ZNF827: variants seen among roughly 807,000 people sequenced by gnomAD.
ZNF827 encodes the protein zinc finger protein 827.
A neutral mutation model predicts 102.4 loss-of-function variants in ZNF827; 13 were observed. The observed-to-expected ratio is 0.13, with a 90% CI of 0.08 to 0.20. ZNF827 has a LOEUF of 0.20. Ranked by LOEUF, ZNF827 falls within the 10% of genes least tolerant of loss-of-function variation. The probability of loss-of-function intolerance (pLI) is 1.00; values close to 1 mark genes in which losing one functional copy is unlikely to be tolerated. For synonymous variants in ZNF827, 523 were observed against 536.2 expected, an observed-to-expected ratio of 0.98 and a Z score of 0.34; for missense variants, 1,103 against 1,344.4, an observed-to-expected ratio of 0.82 and a Z score of 2.81.
chr4:145,894,041 T>C (rs1750799921), intron 2 of ZNF827, among the ~76,000 whole-genome samples: 2 of 152,180 alleles, frequency 1.3e-5, no homozygotes, highest in African/African-American at 4.8e-5. Context: ...ATACTGATTA[T>C]AGCTTGGATG....
At chr4:145,767,465 A>G (rs1399410928) in intron 11 of ZNF827, among the ~76,000 whole-genome samples, 1 of 152,176 alleles carries the variant, frequency 6.6e-6, no homozygotes, top group Non-Finnish European at 1.5e-5. Context: ...GAAATGGCCA[A>G]AAATTTTCCA....
At chr4:145,914,614 C>G (rs1489469065) in intron 1 of ZNF827, among the ~76,000 whole-genome samples, 1 of 152,160 alleles carries the variant, frequency 6.6e-6, no homozygotes, top group Non-Finnish European at 1.5e-5. Flanking sequence ...CAGAAGTCAA[C>G]AATAGAGAGC....
In ZNF827 at chr4:145,902,851, A is replaced by G; in HGVS notation, c.408T>C (p.Ala136=). 1 of 1,614,166 alleles carries G rather than the reference A, an allele frequency of 6.2e-7. No individual in the cohort carries two copies. The highest frequency in any genetic ancestry group is 8.5e-7 in the Non-Finnish European group (1 of 1,180,024). Residue 136 remains alanine (A), a synonymous_variant, in exon 2 of 15, where the codon GCT becomes GCC. Transcript: ENST00000508784. The surrounding 1 kb of genome is among the most constrained non-coding windows in gnomAD (Gnocchi z 4.3). The part of the protein sequence containing the change: ...LLEAGSLKLD[A]AATANGRVES... Reference sequence around the variant, plus strand: ...CCACTCTGCCATTAGCCGTGGCTGCAGCATCGAGTTTGAGGGAACCAGCCT... The same window carrying G: ...CCACTCTGCCATTAGCCGTGGCTGCGGCATCGAGTTTGAGGGAACCAGCCT...
chr4:145,937,868 C>G (rs1469381493), intron 1 of ZNF827, among the ~76,000 whole-genome samples: 6 of 150,622 alleles, frequency 4.0e-5, no homozygotes, highest in Admixed American at 3.3e-4. Flanking sequence ...CCCGACACCC[C>G]CAAACGCCAT....
intron 5 of ZNF827, among the ~76,000 whole-genome samples, chr4:145,861,640 C>T (rs1258718334): frequency 6.6e-6 from 1 of 152,122 alleles, no homozygotes; most frequent in African/African-American, 2.4e-5. Context: ...ATTCTTAATT[C>T]TTTTGCTCCA....
At chr4:145,764,412 T>G (rs1734970033) in intron 13 of ZNF827, among the ~76,000 whole-genome samples, 1 of 152,202 alleles carries the variant, frequency 6.6e-6, no homozygotes, top group South Asian at 2.1e-4. Flanking sequence ...CCAAAGGGCC[T>G]CTTGAAAATA....
chr4:145,859,695 G>A (rs770842556), intron 5 of ZNF827, among the ~76,000 whole-genome samples: 6 of 152,110 alleles, frequency 3.9e-5, no homozygotes, highest in East Asian at 1.9e-4. Context: ...TGGTTCTCGC[G>A]TCCTCTCTAG....
chr4:145,830,777 T>C (rs1374231154), intron 7 of ZNF827: 3 of 152,226 alleles, frequency 2.0e-5, no homozygotes, highest in African/African-American at 7.2e-5. Flanking sequence ...GCAAACACTC[T>C]ATACAGTTGC....
At position 145,876,593 on chromosome 4, in the gene ZNF827, C is replaced by G. The variant is rs539269235; in HGVS notation, c.1748-6115G>C. ...TTTACCTGTATTAATTTATCTAATT[C>G]TCACAGCCACCCTTTGAGGTAGGCA... On this transcript the variant is annotated intron_variant, in intron 4 of 14. Transcript: ENST00000508784. 7.2e-5 allele frequency: 11 copies of G among 152,320 alleles called. No individual in the cohort carries two copies. In the East Asian group the frequency reaches 2.1e-3, roughly 29 times the overall value. The allele number at this position is 152,320 out of a possible 1,614,324, so 9.4% of individuals were successfully genotyped here. A position where few individuals can be genotyped will look rare whatever the true frequency, so the allele number is the denominator to read the frequency against.
At chr4:145,924,457 C>G (rs1014190346) in intron 1 of ZNF827, among the ~76,000 whole-genome samples, 12 of 152,278 alleles carry the variant, frequency 7.9e-5, no homozygotes, top group African/African-American at 1.7e-4. Context: ...TTAGAACACT[C>G]CTTGCTGATT....
intron 5 of ZNF827, 45 bp downstream of exon 5, chr4:145,870,200 A>G: frequency 6.3e-7 from 1 of 1,590,058 alleles, no homozygotes; most frequent in Non-Finnish European, 8.6e-7. Context: ...GTTGGCCTGC[A>G]AGTGAAACTA....
At chr4:145,806,008 T>A (rs544154981) in intron 8 of ZNF827, among the ~76,000 whole-genome samples, 1 of 152,036 alleles carries the variant, frequency 6.6e-6, no homozygotes, top group Non-Finnish European at 1.5e-5. Flanking sequence ...CCTATAATAG[T>A]ACTAGTTTAT....
intron 1 of ZNF827, among the ~76,000 whole-genome samples, chr4:145,925,066 C>T (rs1456460275): frequency 1.3e-5 from 2 of 152,190 alleles, no homozygotes; most frequent in Non-Finnish European, 2.9e-5. Context: ...TCACATCTTA[C>T]ATGGCAGCAG....
intron 8 of ZNF827, among the ~76,000 whole-genome samples, chr4:145,793,870 C>G (rs924311313): frequency 1.3e-5 from 2 of 152,140 alleles, no homozygotes; most frequent in Non-Finnish European, 2.9e-5. Context: ...GCATAGTATT[C>G]CTTCTAGTTC....
chr4:145,919,976 C>T (rs1206950301), intron 1 of ZNF827, among the ~76,000 whole-genome samples: 1 of 152,240 alleles, frequency 6.6e-6, no homozygotes, highest in African/African-American at 2.4e-5. Context: ...CTGCTATACA[C>T]TAGGCCCACC....
chr4:145,807,912 AAC>A (rs1160254451), intron 8 of ZNF827, among the ~76,000 whole-genome samples: 3 of 152,220 alleles, frequency 2.0e-5, no homozygotes, highest in Non-Finnish European at 4.4e-5. Flanking sequence ...TGATAAAAGT[AAC>A]AGTTGGGAGA....
At chr4:145,889,554 C>CT (rs36000739) in intron 3 of ZNF827, among the ~76,000 whole-genome samples, 42,241 of 136,700 alleles carry the variant, frequency 0.31, 6,767 homozygotes, top group East Asian at 0.38. Context: ...ACTGACCCCA[C>CT]TTTTTTTTTT....
intron 9 of ZNF827, 129 bp downstream of exon 9, chr4:145,779,245 A>T: frequency 8.0e-7 from 1 of 1,249,104 alleles, no homozygotes; most frequent in Non-Finnish European, 1.1e-6. Context: ...GCCAGAGAAA[A>T]TGGCTTGAAA....
intron 1 of ZNF827, among the ~76,000 whole-genome samples, chr4:145,916,172 A>G (rs1209402837): frequency 6.6e-6 from 1 of 152,152 alleles, no homozygotes; most frequent in East Asian, 1.9e-4. Flanking sequence ...TCCACTAGGC[A>G]TTGCCCTAGT....
Sources: allele counts gnomAD v4.1 joint callset (sites outside exome capture counted in the v4.1 genomes callset), GRCh38; gene constraint gnomAD v4.1.1; non-coding constraint Gnocchi (gnomAD v3.1); transcripts MANE v1.5; gene names NCBI Gene and HGNC (gene_info 2026-07-23, HGNC 2026-07-21).